Variants in MED25 observed in about 807,000 individuals in gnomAD.
MED25 encodes the protein mediator complex subunit 25.
In MED25, 62 loss-of-function variants were observed where a neutral mutation model predicts 89.4. The ratio of observed to expected loss-of-function variants is 0.69; its 90% CI spans 0.57 to 0.86. MED25 has a LOEUF of 0.86. MED25 is among the 40% of genes least tolerant of loss of function. The pLI, the probability that MED25 is intolerant of heterozygous loss-of-function variation, is 0.00. For synonymous variants in MED25, 449 were observed against 427.9 expected (o/e 1.05, Z -0.61); for missense variants, 905 against 1,005.2 (o/e 0.90, Z 1.35).
chr19:49,819,325 GC>G, intron 3 of MED25, 29 bp downstream of exon 3: 1 of 1,132,978 alleles, frequency 8.8e-7, no homozygotes, highest in Non-Finnish European at 1.1e-6. Flanking sequence ...GGGGTGGGTT[GC>G]TGGTCCCTGT....
At chr19:49,828,850 G>C in intron 4 of MED25, 120 bp from the exon 5 acceptor site, 2 of 1,536,846 alleles carry the variant, frequency 1.3e-6, no homozygotes, top group East Asian at 2.4e-5. Context: ...CTGTAAAGTA[G>C]GGGCGTTGCT....
Position 49,835,559 on chromosome 19 carries a change from G to A in MED25, c.1700G>A (p.Gly567Glu). The change falls in exon 15 of 18, where the codon GGG becomes GAG. Residue 567 changes from glycine (G) to glutamate (E), a missense_variant. Around this residue, in one of 3 missense-constraint regions of MED25, gnomAD observed 271 missense variants for 258.1 expected, o/e 1.05. Transcript: ENST00000312865. The surrounding 1 kb of genome is among the most constrained non-coding windows in gnomAD (Gnocchi z 6.2). ...ATGGGGGGACAGCAGGCACCCCCAG[G>A]GCTGGGGCCCATTCTGGAGGACCAA... ...RGMGGQQAPPGLGPILEDQAR... is the reference protein window; with the variant it reads ...RGMGGQQAPPELGPILEDQAR... 6.4e-7 allele frequency: 1 copy of A among 1,566,874 alleles called. No individual in the cohort carries two copies. The highest frequency in any genetic ancestry group is 1.4e-5 in the African/African-American group (1 of 73,854).
chr19:49,826,666 C>T (rs1439380534), intron 3 of MED25, among the ~76,000 whole-genome samples: 1 of 152,096 alleles, frequency 6.6e-6, no homozygotes, highest in South Asian at 2.1e-4. Context: ...GCTGCAGTAT[C>T]GGGTGATCTA....
chr19:49,825,138 C>T (rs565400440), intron 3 of MED25, among the ~76,000 whole-genome samples: 2 of 152,274 alleles, frequency 1.3e-5, no homozygotes, highest in East Asian at 3.9e-4. Flanking sequence ...TATTACATGT[C>T]GCCCTTTGAG....
chr19:49,838,851 G>T, downstream of MED25: 1 of 429,722 alleles, frequency 2.3e-6, no homozygotes, highest in East Asian at 7.1e-5. Context: ...CGAATTAACA[G>T]AAGTGGCGCG....
chr19:49,821,633 C>T (rs957529994), intron 3 of MED25, among the ~76,000 whole-genome samples: 1 of 150,880 alleles, frequency 6.6e-6, no homozygotes, highest in Non-Finnish European at 1.5e-5. Context: ...CCTGCCTTGA[C>T]CTCCCTAAGT....
chr19:49,819,507 G>T, intron 3 of MED25: 1 of 587,082 alleles, frequency 1.7e-6, no homozygotes, highest in Admixed American at 2.7e-5. Flanking sequence ...GCTTGGGTTT[G>T]AGCTGCAGGA....
chr19:49,826,251 G>A (rs1032849508), intron 3 of MED25, among the ~76,000 whole-genome samples: 1 of 152,352 alleles, frequency 6.6e-6, no homozygotes. Flanking sequence ...TGAGGCAGGA[G>A]AATGGCGTGA....
chr19:49,819,424 C>T (rs1249278858), intron 3 of MED25, 128 bp downstream of exon 3: 4 of 994,736 alleles, frequency 4.0e-6, no homozygotes, highest in Non-Finnish European at 6.0e-6. Flanking sequence ...GGTTGGTGTC[C>T]CCGTGAGGGG....
Position 49,834,955 on chromosome 19 carries a change from G to A in MED25, c.1483-31G>A. ...GTCAGGGCTGCCTCTTTCAGGGCCT[G>A]AATGGTTCTGAAGAGCTGTTGTCCA... On this transcript the variant is annotated intron_variant, in intron 13 of 17. Coordinates refer to ENST00000312865, the MANE Select transcript of MED25 (RefSeq NM_030973.4). The surrounding 1 kb of genome is among the most constrained non-coding windows in gnomAD (Gnocchi z 4.1). The A allele has an allele frequency of 6.2e-7, 1 of 1,612,552 alleles. No individual in the cohort carries two copies. The highest frequency in any genetic ancestry group is 8.5e-7 in the Non-Finnish European group (1 of 1,179,250).
intron 3 of MED25, among the ~76,000 whole-genome samples, chr19:49,822,640 C>CTTTTTTTTTTTTTTTTTTTTT (rs536060694): frequency 1.5e-5 from 1 of 68,244 alleles, no homozygotes; most frequent in Non-Finnish European, 2.5e-5. Flanking sequence ...CTGTTACATT[C>CTTTTTTTTTTTTTTTTTTTTT]TTTTTTTTTT....
rs775342932 is a variant in MED25 at position 49,835,869 on chromosome 19, C to G, written c.1889C>G (p.Pro630Arg). The G allele has an allele frequency of 2.5e-6, 4 of 1,612,788 alleles. No individual in the cohort carries two copies. Among genetic ancestry groups the G allele is most frequent in the Non-Finnish European group, 2.5e-6 (3 of 1,179,908 alleles). The change falls in exon 16 of 18, where the codon CCT (proline) becomes CGT (arginine). Residue 630 changes from proline (P) to arginine (R), a missense_variant. Pro to Arg is a moderately radical substitution (Grantham distance 103, BLOSUM62 -2). Around this residue, in one of 3 missense-constraint regions of MED25, gnomAD observed 271 missense variants for 258.1 expected, o/e 1.05. Coordinates refer to ENST00000312865, the MANE Select transcript of MED25 (RefSeq NM_030973.4). This position sits in a 1 kb window ranked among gnomAD's most constrained non-coding sequence, Gnocchi z 6.2. ...CCTGGAGCAGCTTCTGGCCCACCCC[C>G]TCCTGGACCCATCCTTCGGCCCCAG... ...GPPGAASGPP[P>R]PGPILRPQNP...
rs1219821925 is a variant in MED25 at position 49,818,325 on chromosome 19, C to G, written c.-17C>G. The G allele has an allele frequency of 5.1e-6, 8 of 1,568,636 alleles. No homozygotes were observed. The highest frequency in any genetic ancestry group is 6.9e-6 in the Non-Finnish European group (8 of 1,155,846). On this transcript the variant is annotated 5_prime_UTR_variant, in exon 1 of 18. Coordinates refer to ENST00000312865, the MANE Select transcript of MED25 (RefSeq NM_030973.4). ...TCGGCTGCGGCTGCAGTGGTGGTGG[C>G]GGGTACCGCACGGGGTATGGTCCCC...
downstream of MED25, chr19:49,838,292 T>TCACACACACACACG (rs2074113536): frequency 3.2e-6 from 1 of 312,394 alleles, no homozygotes; most frequent in East Asian, 8.5e-5. Context: ...TCAGGTTAAT[T>TCACACACACACACG]CACACACACA....
chr19:49,825,437 T>C (rs1368617785), intron 3 of MED25, among the ~76,000 whole-genome samples: 2 of 151,952 alleles, frequency 1.3e-5, no homozygotes, highest in African/African-American at 2.4e-5. Context: ...TTAGTAGAGA[T>C]AGGGTTTCAC....
At position 49,835,424 on chromosome 19, in the gene MED25, G is replaced by T; in HGVS notation, c.1675-110G>T. Reference sequence around the variant, plus strand: ...CCCTCCCAGACCACTCACCCCCAAAGAGAATGTCCCCATCTCCTTACTAGT... The same window carrying T: ...CCCTCCCAGACCACTCACCCCCAAATAGAATGTCCCCATCTCCTTACTAGT... On this transcript the variant is annotated intron_variant, in intron 14 of 17. Transcript: ENST00000312865. This position sits in a 1 kb window ranked among gnomAD's most constrained non-coding sequence, Gnocchi z 6.2. The T allele has an allele frequency of 8.5e-7, 1 of 1,171,766 alleles. No homozygotes were observed. The allele number at this position is 1,171,766 out of a possible 1,614,324, so 72.6% of individuals were successfully genotyped here.
chr19:49,819,319 TG>T, intron 3 of MED25, 23 bp downstream of exon 3: 3 of 1,242,098 alleles, frequency 2.4e-6, no homozygotes, highest in Non-Finnish European at 1.0e-6. Flanking sequence ...CCACTTGGGG[TG>T]GGTTGCTGGT....
chr19:49,832,288 G>T lies in MED25; in HGVS notation c.1375-20G>T, dbSNP rs755187047. ...ACTTGCCCACACCAGCATGCCAGCC[G>T]ACTTCTGTGTCTCCCGCAGACCACC... On this transcript the variant is annotated intron_variant, in intron 12 of 17. Transcript: ENST00000312865. 1 of 1,566,640 alleles carries T rather than the reference G, an allele frequency of 6.4e-7. No homozygotes were observed. Among genetic ancestry groups the T allele is most frequent in the Non-Finnish European group, 8.7e-7 (1 of 1,143,520 alleles).
At chr19:49,819,515 G>T in intron 3 of MED25, 1 of 570,410 alleles carries the variant, frequency 1.8e-6, no homozygotes, top group Non-Finnish European at 3.2e-6. Context: ...TTGAGCTGCA[G>T]GAAACATCTC....
Sources: allele counts gnomAD v4.1 joint callset (sites outside exome capture counted in the v4.1 genomes callset), GRCh38; gene constraint gnomAD v4.1.1; regional missense constraint gnomAD v4.1.1; non-coding constraint Gnocchi (gnomAD v3.1); transcripts MANE v1.5; gene names NCBI Gene and HGNC (gene_info 2026-07-23, HGNC 2026-07-21).